MEGF11: variants seen among roughly 807,000 people sequenced by gnomAD.
MEGF11 encodes multiple epidermal growth factor-like domains protein 11.
Under a neutral mutation model 146.6 loss-of-function variants are expected in MEGF11, and 126 were observed. The observed-to-expected ratio is 0.86, with a 90% CI of 0.74 to 1.00. MEGF11 has a LOEUF of 1.00. MEGF11 is among the 50% of genes least tolerant of loss of function. MEGF11 has a pLI of 0.00. For missense variants in MEGF11, 1,509 were observed against 1,521.2 expected, an observed-to-expected ratio of 0.99 and a Z score of 0.13; for synonymous variants, 532 against 583.4, an observed-to-expected ratio of 0.91 and a Z score of 1.27.
chr15:66,079,588 G>A (rs1317535800), intron 5 of MEGF11, among the ~76,000 whole-genome samples: 2 of 138,164 alleles, frequency 1.4e-5, no homozygotes, highest in African/African-American at 2.9e-5. Flanking sequence ...CCCCTGTACA[G>A]CCAGTGTTCC....
chr15:66,101,324 C>A (rs1454881767), intron 4 of MEGF11, among the ~76,000 whole-genome samples: 3 of 152,144 alleles, frequency 2.0e-5, no homozygotes, highest in Admixed American at 1.3e-4. Flanking sequence ...TGTGAATGAG[C>A]CCCTGCCCTC....
rs369339658 is a variant in MEGF11 at position 66,083,482 on chromosome 15, A to G, written c.394+10920T>C. 1.2e-4 allele frequency among the ~76,000 whole-genome samples: 19 copies of G among 152,232 alleles called. No homozygotes were observed. The South Asian group carries it at 1.4e-3, about 12-fold the overall frequency. On this transcript the variant is annotated intron_variant, in intron 5 of 25. Coordinates refer to ENST00000395614, the MANE Select transcript of MEGF11 (RefSeq NM_001385028.1). ...AATCTTTATAAAAAATTCACTCAAA[A>G]TGGATCAAAGACCTAAATGTAGGAG...
chr15:66,063,592 C>G (rs1264344414), intron 5 of MEGF11, among the ~76,000 whole-genome samples: 1 of 152,176 alleles, frequency 6.6e-6, no homozygotes, highest in Non-Finnish European at 1.5e-5. Flanking sequence ...GGCCTCTCCC[C>G]ACAAGTCTTC....
chr15:66,246,472 C>T (rs1234438144), intron 1 of MEGF11, among the ~76,000 whole-genome samples: 1 of 151,916 alleles, frequency 6.6e-6, no homozygotes, highest in Non-Finnish European at 1.5e-5. Context: ...ATATAGGTTT[C>T]ATGATGGCGG....
chr15:66,177,873 C>CTTTTAGTAGA (rs947118336), intron 1 of MEGF11, among the ~76,000 whole-genome samples: 2 of 151,980 alleles, frequency 1.3e-5, no homozygotes, highest in Non-Finnish European at 2.9e-5. Context: ...TTAGTAGAGA[C>CTTTTAGTAGA]GGGGTTTCGC....
chr15:66,076,654 T>C (rs1413236014), intron 5 of MEGF11, among the ~76,000 whole-genome samples: 1 of 152,098 alleles, frequency 6.6e-6, no homozygotes, highest in Non-Finnish European at 1.5e-5. Flanking sequence ...GAGTCAGAGA[T>C]GTCAGGAGAC....
At chr15:66,169,114 C>G (rs1265691181) in intron 1 of MEGF11, among the ~76,000 whole-genome samples, 1 of 152,270 alleles carries the variant, frequency 6.6e-6, no homozygotes, top group African/African-American at 2.4e-5. Context: ...ACTGCACTAT[C>G]TGGTCGATGC....
rs527985226 is a variant in MEGF11 at position 66,176,988 on chromosome 15, T to C, written c.-8-48577A>G. ...GCCAGCCCACTCCCTCCCTTACCAT[T>C]TGATCTAACCCCTGGTAACTCCCAC... On this transcript the variant is annotated intron_variant, in intron 1 of 25. Transcript: ENST00000395614. 2.6e-5 allele frequency among the ~76,000 whole-genome samples: 4 copies of C among 152,288 alleles called. No homozygotes were observed. In the South Asian group the frequency reaches 8.3e-4, roughly 32 times the overall value.
At chr15:65,958,660 A>C (rs1462275752) in intron 9 of MEGF11, among the ~76,000 whole-genome samples, 3 of 152,196 alleles carry the variant, frequency 2.0e-5, no homozygotes, top group African/African-American at 7.2e-5. Context: ...CCATCCTGGC[A>C]AACTTTCTTA....
intron 10 of MEGF11, among the ~76,000 whole-genome samples, chr15:65,932,455 C>T (rs757030267): frequency 3.5e-5 from 5 of 144,252 alleles, no homozygotes; most frequent in Admixed American, 6.9e-5. Context: ...ACAATTTGGA[C>T]GAGGGGCAAG....
intron 5 of MEGF11, among the ~76,000 whole-genome samples, chr15:66,009,264 T>A (rs5813370): frequency 0.024 from 2,762 of 115,738 alleles, 98 homozygotes; most frequent in African/African-American, 0.08. Context: ...TTTTTTTTTT[T>A]AAATAGCACA....
chr15:66,076,281 T>C (rs576079977), intron 5 of MEGF11, among the ~76,000 whole-genome samples: 1 of 150,948 alleles, frequency 6.6e-6, no homozygotes, highest in Non-Finnish European at 1.5e-5. Context: ...GAGGGATTGG[T>C]CTCAAAAGAA....
intron 5 of MEGF11, among the ~76,000 whole-genome samples, chr15:66,014,149 G>A (rs1031646955): frequency 7.9e-5 from 12 of 152,198 alleles, no homozygotes; most frequent in African/African-American, 2.7e-4. Flanking sequence ...GATGGGGATC[G>A]TGAAGAGAGA....
intron 7 of MEGF11, among the ~76,000 whole-genome samples, chr15:65,976,355 G>T (rs1486059347): frequency 6.6e-6 from 1 of 152,124 alleles, no homozygotes; most frequent in East Asian, 1.9e-4. Context: ...TTCCTATGCT[G>T]AAGTTTTAAC....
At chr15:66,145,977 A>C (rs1446002849) in intron 1 of MEGF11, among the ~76,000 whole-genome samples, 2 of 152,206 alleles carry the variant, frequency 1.3e-5, no homozygotes, top group Non-Finnish European at 2.9e-5. Flanking sequence ...CAGTAAACAG[A>C]AGCTACTGTT....
chr15:65,932,686 C>G (rs1227822102), intron 10 of MEGF11, among the ~76,000 whole-genome samples: 1 of 151,896 alleles, frequency 6.6e-6, no homozygotes, highest in Non-Finnish European at 1.5e-5. Context: ...GGAGGGAGTT[C>G]AGGCTTTCTT....
intron 5 of MEGF11, among the ~76,000 whole-genome samples, chr15:65,998,993 C>T (rs1433651741): frequency 6.6e-6 from 1 of 151,564 alleles, no homozygotes; most frequent in Non-Finnish European, 1.5e-5. Flanking sequence ...TTCTGTCTAG[C>T]GGGGCCCAGC....
intron 5 of MEGF11, among the ~76,000 whole-genome samples, chr15:66,071,456 G>C (rs762939037): frequency 2.0e-5 from 3 of 152,220 alleles, no homozygotes; most frequent in Non-Finnish European, 4.4e-5. Context: ...AGAGCTGAGA[G>C]CAAATGTGGA....
At chr15:66,065,571 G>A (rs1419722258) in intron 5 of MEGF11, among the ~76,000 whole-genome samples, 2 of 152,190 alleles carry the variant, frequency 1.3e-5, no homozygotes, top group African/African-American at 2.4e-5. Flanking sequence ...GCCCACAGCC[G>A]TGGTCCTTGG....
Sources: gnomAD v4.1 joint callset for allele counts (sites outside exome capture counted in the v4.1 genomes callset) on GRCh38, gnomAD v4.1.1 for gene constraint, MANE v1.5 for transcripts, NCBI Gene and HGNC (gene_info 2026-07-23, HGNC 2026-07-21) for gene names.